The following GPR108 variants were observed in gnomAD, a reference collection of about 807,000 sequenced individuals.
GPR108 encodes protein GPR108.
In GPR108, 60 loss-of-function variants were observed where a neutral mutation model predicts 74.3. The observed-to-expected ratio is 0.81, with a 90% CI of 0.66 to 1.00. The LOEUF is 1.00. Ranked by LOEUF, GPR108 falls within the 50% of genes least tolerant of loss-of-function variation. The pLI is 0.00. For synonymous variants in GPR108, 311 were observed against 292.4 expected (o/e 1.06, Z -0.65); for missense variants, 667 against 703.3 (o/e 0.95, Z 0.58).
At chr19:6,736,511 A>G (rs1048925894) in intron 2 of GPR108, 81 bp downstream of exon 2, 32 of 1,404,044 alleles carry the variant, frequency 2.3e-5, no homozygotes, top group Non-Finnish European at 3.1e-5. Flanking sequence ...ACAAGATCAC[A>G]TGGGTAGCGG....
At chr19:6,736,037 A>ACCTAACCT in intron 2 of GPR108, 79 bp from the exon 3 acceptor site, 1 of 1,263,552 alleles carries the variant, frequency 7.9e-7, no homozygotes, top group Non-Finnish European at 1.1e-6. Flanking sequence ...AGCAATAGAA[A>ACCTAACCT]CCTAACCTCA....
At chr19:6,734,842 G>T (rs1968563635) in intron 4 of GPR108, among the ~76,000 whole-genome samples, 1 of 146,976 alleles carries the variant, frequency 6.8e-6, no homozygotes, top group African/African-American at 2.5e-5. Flanking sequence ...ACCATGGCCA[G>T]CCCTACATTA....
chr19:6,731,039 G>C lies in GPR108; in HGVS notation c.1507C>G (p.Pro503Ala). 1 of 1,613,716 alleles carries C rather than the reference G, an allele frequency of 6.2e-7. No homozygotes were observed. Among genetic ancestry groups the C allele is most frequent in the Non-Finnish European group, 8.5e-7 (1 of 1,179,878 alleles). The change falls in exon 17 of 18, where the codon CCG becomes GCG. Residue 503 changes from proline to alanine, a missense_variant. Physicochemically the swap from Pro to Ala is conservative, Grantham distance 27 (BLOSUM62 -1). Coordinates refer to ENST00000264080, the MANE Select transcript of GPR108 (RefSeq NM_001080452.2). ...TCCTCCTGGGGCAGCTGCAGGTACG[G>C]GTTGTTTCCTGTGGGCTGGAACTTG... ...GYKFQPTGNN[P>A]YLQLPQEDEE...
intron 2 of GPR108, among the ~76,000 whole-genome samples, 199 bp from the exon 3 acceptor site, chr19:6,736,157 G>A (rs1274441039): frequency 6.6e-6 from 1 of 152,182 alleles, no homozygotes; most frequent in African/African-American, 2.4e-5. Flanking sequence ...TACAGTGGCA[G>A]GATCATAGCT....
intron 2 of GPR108, 77 bp downstream of exon 2, chr19:6,736,515 G>A: frequency 7.0e-7 from 1 of 1,429,840 alleles, no homozygotes; most frequent in Non-Finnish European, 9.6e-7. Context: ...GATCACATGG[G>A]TAGCGGCAGA....
intron 17 of GPR108, 84 bp from the exon 18 acceptor site, chr19:6,730,468 C>A: frequency 8.8e-7 from 1 of 1,132,522 alleles, no homozygotes; most frequent in Non-Finnish European, 1.3e-6. Flanking sequence ...AGGCCCCGCC[C>A]CACTCCCCCC....
intron 1 of GPR108, 141 bp downstream of exon 1, chr19:6,737,316 T>A: frequency 8.9e-7 from 1 of 1,128,960 alleles, no homozygotes; most frequent in Non-Finnish European, 1.2e-6. Context: ...ACGAGACCAC[T>A]CCGGGCCCGG....
chr19:6,737,119 C>T lies in GPR108; in HGVS notation c.120+338G>A, dbSNP rs1968670276. 1.3e-5 allele frequency: 5 copies of T among 389,582 alleles called. No individual in the cohort carries two copies. The South Asian group carries it at 1.6e-4, about 13-fold the overall frequency. The allele number at this position is 389,582 out of a possible 1,614,324, so 24.1% of individuals were successfully genotyped here. On this transcript the variant is annotated intron_variant, in intron 1 of 17. Coordinates refer to ENST00000264080, the MANE Select transcript of GPR108 (RefSeq NM_001080452.2). ...ACCCCACTCTATAGCCCCCCAGGAC[C>T]CCGCTGTGCGGCTCCAGGGTCTCTA...
chr19:6,737,011 C>T (rs1208302506), intron 1 of GPR108: 5 of 434,144 alleles, frequency 1.2e-5, no homozygotes, highest in African/African-American at 9.9e-5. Flanking sequence ...TGACCTTCAC[C>T]TTCCCGAAGA....
chr19:6,735,419 G>A lies in GPR108; in HGVS notation c.374+203C>T, dbSNP rs148953827. On this transcript the variant is annotated intron_variant, in intron 4 of 17. Transcript: ENST00000264080. ...ATTCTCACAACAACCCTCTGTATCC[G>A]GGTCTTCTGCCCTGAGACACCAACA... is the stretch of plus-strand genomic sequence containing the variant. 2.7e-5 allele frequency: 15 copies of A among 563,010 alleles called. No homozygotes were observed. In the Admixed American group the frequency reaches 3.6e-4, roughly 14 times the overall value. 34.9% of individuals were successfully genotyped at this position (563,010 alleles called of 1,614,324 possible).
chr19:6,736,359 A>C (rs1968632570), intron 2 of GPR108, among the ~76,000 whole-genome samples: 1 of 152,192 alleles, frequency 6.6e-6, no homozygotes, highest in Admixed American at 6.5e-5. Context: ...GGCCTCCCAA[A>C]GTGCTAGGAC....
rs1555690407 is a variant in GPR108, at chr19:6,734,848, C to CATCATTATT, written c.375-542_375-541insAATAATGAT. ...GCATGAGCCACCATGGCCAGCCCTA[C>CATCATTATT]ATTATTATTATTATTATTATTATTA... On this transcript the variant is annotated intron_variant, in intron 4 of 17. Coordinates refer to ENST00000264080, the MANE Select transcript of GPR108 (RefSeq NM_001080452.2). Among the ~76,000 whole-genome samples the CATCATTATT allele has an allele frequency of 3.6e-5, 5 of 139,710 alleles. 1 individual carries two copies. 91.7% of individuals were successfully genotyped at this position (139,710 alleles called of 152,430 possible).
Position 6,735,630 on chromosome 19 carries a change from C to T in GPR108, c.366G>A (p.Lys122=). ...SFLVLFLINT[K]DLQVQVRKYG... The stretch of plus-strand genomic sequence containing the variant: ...CCCGGTCCCCAACTCACTGCAGATC[C>T]TTGGTGTTGATGAGGAACAGGACCA... The change falls in exon 4 of 18, where the codon AAG becomes AAA. Residue 122 remains lysine, a synonymous_variant. Transcript: ENST00000264080. 6.2e-7 allele frequency: 1 copy of T among 1,613,980 alleles called. No homozygotes were observed. Among genetic ancestry groups the T allele is most frequent in the Non-Finnish European group, 8.5e-7 (1 of 1,179,946 alleles).
intron 17 of GPR108, 43 bp downstream of exon 17, chr19:6,730,944 C>T (rs754757777): frequency 1.9e-5 from 22 of 1,175,216 alleles, no homozygotes; most frequent in Non-Finnish European, 2.3e-5. Context: ...ACCCCCTACT[C>T]CACCCCCAGA....
Position 6,734,315 on chromosome 19 carries a change from G to A in GPR108, c.375-8C>T, listed in dbSNP as rs185494376. The A allele has an allele frequency of 1.2e-6, 2 of 1,612,124 alleles. No homozygotes were observed. Among genetic ancestry groups the A allele is most frequent in the Non-Finnish European group, 1.7e-6 (2 of 1,179,512 alleles). ...TACTTCCGCACCTGGACCCTGGGGT[G>A]AGGGTGGGGTGGGGCATGAGGCTGG... On this transcript the variant is annotated splice_polypyrimidine_tract_variant and splice_region_variant and intron_variant, in intron 4 of 17. Transcript: ENST00000264080.
chr19:6,736,304 C>G (rs1381004696), intron 2 of GPR108, among the ~76,000 whole-genome samples: 4 of 152,160 alleles, frequency 2.6e-5, no homozygotes, highest in African/African-American at 9.7e-5. Flanking sequence ...ACTATGTTGC[C>G]CAGGCTGGTC....
intron 4 of GPR108, 43 bp from the exon 5 acceptor site, chr19:6,734,350 C>T: frequency 6.3e-7 from 1 of 1,597,134 alleles, no homozygotes; most frequent in Non-Finnish European, 8.5e-7. Flanking sequence ...GGGGGCTGAA[C>T]TTGGCTCAGG....
chr19:6,730,490 C>A (rs370871785), intron 17 of GPR108, 106 bp from the exon 18 acceptor site: 5 of 927,762 alleles, frequency 5.4e-6, no homozygotes, highest in Middle Eastern at 3.2e-4. Context: ...ACCACAGCAG[C>A]CCTGGCCTTG....
chr19:6,734,701 T>C (rs79284832), intron 4 of GPR108, among the ~76,000 whole-genome samples: 12,962 of 151,900 alleles, frequency 0.085, 719 homozygotes, highest in Middle Eastern at 0.12. Flanking sequence ...ACCATCATGC[T>C]TGGCTAATTT....
Sources: allele counts gnomAD v4.1 joint callset (sites outside exome capture counted in the v4.1 genomes callset), GRCh38; gene constraint gnomAD v4.1.1; transcripts MANE v1.5; gene names NCBI Gene and HGNC (gene_info 2026-07-23, HGNC 2026-07-21).